The following MYOM3 variants were observed in gnomAD, a reference collection of about 807,000 sequenced individuals.
MYOM3 encodes myomesin 3, also known as myomesin-3.
In MYOM3, 155 loss-of-function variants were observed where a neutral mutation model predicts 191.7. That is an observed-to-expected ratio of 0.81 (90% confidence interval 0.71 to 0.92). The LOEUF (loss-of-function observed/expected upper bound fraction) is 0.92. MYOM3 is among the 40% of genes least tolerant of loss of function. MYOM3 has a pLI of 0.00. For synonymous variants in MYOM3, 757 were observed against 762.9 expected, an observed-to-expected ratio of 0.99 and a Z score of 0.13; for missense variants, 1,889 against 1,890.6, an observed-to-expected ratio of 1.00 and a Z score of 0.02.
intron 14 of MYOM3, among the ~76,000 whole-genome samples, chr1:24,088,015 A>G (rs1243072973): frequency 6.6e-6 from 1 of 152,242 alleles, no homozygotes; most frequent in African/African-American, 2.4e-5. Flanking sequence ...TGGTGGATAT[A>G]GTATTAAACT....
At chr1:24,068,635 TTAA>T (rs1302421259) in intron 25 of MYOM3, among the ~76,000 whole-genome samples, 3 of 152,168 alleles carry the variant, frequency 2.0e-5, no homozygotes, top group African/African-American at 4.8e-5. Context: ...CAGTTACAAT[TTAA>T]TAATAAGTCC....
In MYOM3 at chr1:24,087,765, A is replaced by G. The variant is rs1344290494; in HGVS notation, c.1615-938T>C. Among the ~76,000 whole-genome samples the G allele has an allele frequency of 6.6e-6, 1 of 152,070 alleles. No homozygotes were observed. Among genetic ancestry groups the G allele is most frequent in the Non-Finnish European group, 1.5e-5 (1 of 68,020 alleles). ...CGCCTACCACTCACTACTGTGCTTA[A>G]TATTCTACTGATTTACTCCATTTAT... On this transcript the variant is annotated intron_variant, in intron 14 of 36. Coordinates refer to ENST00000374434, the MANE Select transcript of MYOM3 (RefSeq NM_152372.4). The surrounding 1 kb of genome is among the most constrained non-coding windows in gnomAD (Gnocchi z 4.5).
At chr1:24,057,648 G>A in intron 36 of MYOM3, 21 bp from the exon 37 acceptor site, 1 of 1,609,692 alleles carries the variant, frequency 6.2e-7, no homozygotes. Flanking sequence ...AGACAGGAAG[G>A]GAACAGTCTC....
In MYOM3 at chr1:24,082,029, T is replaced by C. The variant is rs1220664565; in HGVS notation, c.2252A>G (p.Gln751Arg). 1 of 1,611,786 alleles carries C rather than the reference T, an allele frequency of 6.2e-7. No individual in the cohort carries two copies. The highest frequency in any genetic ancestry group is 1.7e-5 in the Admixed American group (1 of 59,958). ...GCAGACCCGGGTGGGGATGGGCTGC[T>C]GATTGACCGCATGCCAGTCCAGCTC... ...SEELDWHAVN[Q>R]QPIPTRVCKV... Residue 751 changes from glutamine (Q) to arginine (R), a missense_variant, in exon 18 of 37, where the codon CAG (glutamine) becomes CGG (arginine). By Grantham distance (43) the Gln-to-Arg change is conservative. Transcript: ENST00000374434.
In MYOM3 at chr1:24,082,608, C is replaced by G. The variant is rs760274173; in HGVS notation, c.2077G>C (p.Val693Leu). ...TTGGACTCACCCAGAGCCTGCTTGA[C>G]CCTGATGGGCTCGGTGGCGGCTGAG... The part of the protein sequence containing the change: ...ESSAATEPIR[V>L]KQALATPSAP... The change falls in exon 17 of 37, where the codon GTC (valine) becomes CTC (leucine). Residue 693 changes from valine (V) to leucine (L), a missense_variant. Coordinates refer to ENST00000374434, the MANE Select transcript of MYOM3 (RefSeq NM_152372.4). The G allele has an allele frequency of 1.9e-6, 3 of 1,608,630 alleles. No homozygotes were observed. Among genetic ancestry groups the G allele is most frequent in the South Asian group, 1.1e-5 (1 of 90,130 alleles).
intron 15 of MYOM3, 36 bp from the exon 16 acceptor site, chr1:24,084,675 G>A (rs1180623970): frequency 6.4e-7 from 1 of 1,572,726 alleles, no homozygotes; most frequent in South Asian, 1.2e-5. Context: ...TGAGAAGGCT[G>A]AGTTACATGG....
In MYOM3 at chr1:24,080,158, G is replaced by C; in HGVS notation, c.2444C>G (p.Ala815Gly). The change falls in exon 20 of 37, where the codon GCC (alanine) becomes GGC (glycine). Residue 815 changes from alanine (A) to glycine (G), a missense_variant. Transcript: ENST00000374434. ...PYDVRASEVR[A>G]TSLVLQWEPP... is the part of the protein sequence containing the mutation. ...TTCCCACTGCAGCACCAGGGATGTG[G>C]CCCGCACCTCGGATGCCCGTACATC... 1 of 1,613,708 alleles carries C rather than the reference G, an allele frequency of 6.2e-7. No homozygotes were observed. The highest frequency in any genetic ancestry group is 8.5e-7 in the Non-Finnish European group (1 of 1,179,778).
intron 15 of MYOM3, 126 bp from the exon 16 acceptor site, chr1:24,084,765 T>C (rs951305850): frequency 8.0e-6 from 7 of 876,280 alleles, no homozygotes; most frequent in African/African-American, 1.7e-5. Flanking sequence ...CATGAATTCC[T>C]GACCTGCTGG....
intron 11 of MYOM3, among the ~76,000 whole-genome samples, chr1:24,091,226 G>C (rs1184872212): frequency 6.6e-6 from 1 of 152,188 alleles, no homozygotes; most frequent in Non-Finnish European, 1.5e-5. Context: ...GCATCATCGT[G>C]AGCCTGTGAC....
intron 29 of MYOM3, 113 bp downstream of exon 29, chr1:24,065,778 C>T (rs1234452828): frequency 1.2e-6 from 1 of 809,692 alleles, no homozygotes; most frequent in Non-Finnish European, 2.2e-6. Flanking sequence ...CTCAGGGCCT[C>T]ACTTGCATCA....
chr1:24,061,249 CTG>C, intron 34 of MYOM3, 22 bp downstream of exon 34: 2 of 1,613,968 alleles, frequency 1.2e-6, no homozygotes, highest in Non-Finnish European at 8.5e-7. Context: ...ATAATTCACA[CTG>C]AGAAATGTAG....
chr1:24,080,164 A>T lies in MYOM3; in HGVS notation c.2438T>A (p.Val813Glu). The T allele has an allele frequency of 1.2e-6, 2 of 1,613,368 alleles. No homozygotes were observed. The highest frequency in any genetic ancestry group is 1.7e-6 in the Non-Finnish European group (2 of 1,179,704). The part of the protein sequence containing the change: ...GPPYDVRASE[V>E]RATSLVLQWE... ...CTGCAGCACCAGGGATGTGGCCCGCACCTCGGATGCCCGTACATCGTACGG... is the reference window on the plus strand; with the variant it reads ...CTGCAGCACCAGGGATGTGGCCCGCTCCTCGGATGCCCGTACATCGTACGG... Residue 813 changes from valine to glutamate, a missense_variant, in exon 20 of 37, where the codon GTG (valine) becomes GAG (glutamate). Coordinates refer to ENST00000374434, the MANE Select transcript of MYOM3 (RefSeq NM_152372.4).
At chr1:24,059,126 A>C in intron 35 of MYOM3, 147 bp from the exon 36 acceptor site, 1 of 660,036 alleles carries the variant, frequency 1.5e-6, no homozygotes, top group Non-Finnish European at 2.6e-6. Flanking sequence ...ATCTTTTTTA[A>C]ATTTTTTTTT....
In MYOM3 at chr1:24,073,525, T is replaced by C. The variant is rs1276508244; in HGVS notation, c.2968+635A>G. Among the ~76,000 whole-genome samples, 3 of 152,232 alleles carry C rather than the reference T, an allele frequency of 2.0e-5. No individual in the cohort carries two copies. The East Asian group carries it at 5.8e-4, about 29-fold the overall frequency. Reference sequence around the variant, plus strand: ...CACTTGCACTGTTGTTTTTTGGGGCTACAGAAGGAAACAAAAATAATTCTA... The same window carrying C: ...CACTTGCACTGTTGTTTTTTGGGGCCACAGAAGGAAACAAAAATAATTCTA... On this transcript the variant is annotated intron_variant, in intron 23 of 36. Transcript: ENST00000374434.
chr1:24,083,403 C>T (rs1487891853), intron 16 of MYOM3: 2 of 152,552 alleles, frequency 1.3e-5, no homozygotes, highest in Non-Finnish European at 2.9e-5. Flanking sequence ...AGCTCTCAGG[C>T]CTTCGGCCAC....
At chr1:24,070,322 G>GTA (rs1643510883) in intron 25 of MYOM3, among the ~76,000 whole-genome samples, 1 of 152,000 alleles carries the variant, frequency 6.6e-6, no homozygotes, top group Admixed American at 6.6e-5. Context: ...TCCATTCAGT[G>GTA]TATAGTAACA....
intron 18 of MYOM3, 86 bp from the exon 19 acceptor site, chr1:24,081,542 A>G (rs1304533877): frequency 1.3e-6 from 2 of 1,503,688 alleles, no homozygotes; most frequent in Non-Finnish European, 1.8e-6. Context: ...GACTCAGAGC[A>G]GGTGGTCTGT....
chr1:24,062,012 T>C lies in MYOM3; in HGVS notation c.3868A>G (p.Lys1290Glu), dbSNP rs186722359. Reference protein sequence around the residue: ...ILDPKDSDKGKYTLEIAAGKE... With the variant: ...ILDPKDSDKGEYTLEIAAGKE... Reference sequence around the variant, plus strand: ...CCTGCAGCTATTTCCAGAGTGTATTTGCCCTTGTCTGAGTCTTTGGGGTCC... The same window carrying C: ...CCTGCAGCTATTTCCAGAGTGTATTCGCCCTTGTCTGAGTCTTTGGGGTCC... Residue 1290 changes from lysine (K) to glutamate (E), a missense_variant, in exon 33 of 37, where the codon AAA (lysine) becomes GAA (glutamate). Transcript: ENST00000374434. 180 of 1,614,220 alleles carry C rather than the reference T, an allele frequency of 1.1e-4. 1 individual carries two copies. In the East Asian group the frequency reaches 4.0e-3, roughly 36 times the overall value.
In MYOM3 at chr1:24,070,931, A is replaced by G. The variant is rs144799695; in HGVS notation, c.3150+186T>C. 2.0e-4 allele frequency among the ~76,000 whole-genome samples: 31 copies of G among 152,216 alleles called. No individual in the cohort carries two copies. In the East Asian group the frequency reaches 6.0e-3, roughly 29 times the overall value. ...TAGTGTCCCTGCCAACCCCACCCCC[A>G]ACACCAGCACTGGTACTAAGAGCCA... On this transcript the variant is annotated intron_variant, in intron 25 of 36. Transcript: ENST00000374434.
Sources: allele counts gnomAD v4.1 joint callset (sites outside exome capture counted in the v4.1 genomes callset), GRCh38; gene constraint gnomAD v4.1.1; non-coding constraint Gnocchi (gnomAD v3.1); transcripts MANE v1.5; gene names NCBI Gene and HGNC (gene_info 2026-07-23, HGNC 2026-07-21).